TMTC1: variants seen among roughly 807,000 people sequenced by gnomAD.
TMTC1 encodes transmembrane O-mannosyltransferase targeting cadherins 1, also known as protein O-mannosyl-transferase TMTC1.
In TMTC1, 73 loss-of-function variants were observed where a neutral mutation model predicts 104.8. The ratio of observed to expected loss-of-function variants is 0.70; its 90% CI spans 0.58 to 0.85. TMTC1 has a LOEUF of 0.85. Ranked by LOEUF, TMTC1 falls within the 40% of genes least tolerant of loss-of-function variation. The pLI, the probability that TMTC1 is intolerant of heterozygous loss-of-function variation, is 0.00. For synonymous variants in TMTC1, 434 were observed against 428.7 expected (o/e 1.01, Z -0.15); for missense variants, 1,035 against 1,096.1 (o/e 0.94, Z 0.79).
chr12:29,501,550 C>T lies in TMTC1; in HGVS notation c.*5296G>A, dbSNP rs1943593120. ...TCTTGATTCTTGGGGTAGTGTACCC[C>T]TCCTATGGACCAGCAAGATAAATAA... On this transcript the variant is annotated 3_prime_UTR_variant, in exon 18 of 18. Coordinates refer to ENST00000539277, the MANE Select transcript of TMTC1 (RefSeq NM_001193451.2). 6.6e-6 allele frequency: 1 copy of T among 151,434 alleles called. No individual in the cohort carries two copies. The highest frequency in any genetic ancestry group is 2.0e-4 in the East Asian group (1 of 5,124). The allele number at this position is 151,434 out of a possible 1,614,324, so 9.4% of individuals were successfully genotyped here. A position where few individuals can be genotyped will look rare whatever the true frequency, so the allele number is the denominator to read the frequency against.
intron 2 of TMTC1, among the ~76,000 whole-genome samples, chr12:29,764,145 A>T (rs1397129685): frequency 5.3e-5 from 8 of 152,228 alleles, no homozygotes; most frequent in Non-Finnish European, 8.8e-5. Flanking sequence ...GCCTCTAACA[A>T]ATATTCAAAC....
intron 5 of TMTC1, among the ~76,000 whole-genome samples, chr12:29,666,565 C>T (rs1940296692): frequency 6.6e-6 from 1 of 152,018 alleles, no homozygotes; most frequent in African/African-American, 2.4e-5. Context: ...TTTCCTTACC[C>T]TCTCGTGGTA....
intron 5 of TMTC1, among the ~76,000 whole-genome samples, chr12:29,696,283 T>A (rs1941421504): frequency 1.3e-5 from 2 of 152,150 alleles, no homozygotes; most frequent in Admixed American, 1.3e-4. Flanking sequence ...GATAGAAGAC[T>A]ATTGCTTTAA....
chr12:29,535,973 G>A (rs1466994426), intron 11 of TMTC1: 3 of 492,260 alleles, frequency 6.1e-6, no homozygotes, highest in Non-Finnish European at 1.1e-5. Context: ...ACCAAAGTGA[G>A]AGAGAATATA....
At chr12:29,582,034 C>A (rs1945995709) in intron 8 of TMTC1, among the ~76,000 whole-genome samples, 1 of 152,084 alleles carries the variant, frequency 6.6e-6, no homozygotes, top group Non-Finnish European at 1.5e-5. Flanking sequence ...CCCTACAGTA[C>A]CCGCTGAAAT....
intron 5 of TMTC1, among the ~76,000 whole-genome samples, chr12:29,699,457 C>G (rs1467816545): frequency 1.3e-5 from 2 of 152,074 alleles, no homozygotes; most frequent in Admixed American, 6.6e-5. Flanking sequence ...CATGAAGGCA[C>G]AAAATATCTT....
chr12:29,539,484 A>C (rs180890239), intron 10 of TMTC1, among the ~76,000 whole-genome samples: 4 of 152,326 alleles, frequency 2.6e-5, no homozygotes, highest in Non-Finnish European at 5.9e-5. Context: ...ATATATAAAA[A>C]TCTTTATTAA....
chr12:29,744,196 G>C (rs1402730022), intron 5 of TMTC1, among the ~76,000 whole-genome samples: 4 of 152,320 alleles, frequency 2.6e-5, no homozygotes, highest in Non-Finnish European at 5.9e-5. Context: ...ATCATCTACT[G>C]ACTGAAATTC....
intron 7 of TMTC1, among the ~76,000 whole-genome samples, chr12:29,594,130 A>C (rs1401365672): frequency 6.6e-6 from 1 of 152,198 alleles, no homozygotes; most frequent in Non-Finnish European, 1.5e-5. Flanking sequence ...ATTATTAATA[A>C]ATTTTCCATC....
At position 29,506,704 on chromosome 12, in the gene TMTC1, G is replaced by T; in HGVS notation, c.*142C>A. 1 of 1,055,914 alleles carries T rather than the reference G, an allele frequency of 9.5e-7. No individual in the cohort carries two copies. The highest frequency in any genetic ancestry group is 2.4e-5 in the East Asian group (1 of 41,580). 65.4% of individuals were successfully genotyped at this position (1,055,914 alleles called of 1,614,324 possible). A position where few individuals can be genotyped will look rare whatever the true frequency, so the allele number is the denominator to read the frequency against. ...GTCCTTCAGCACTGGGCTACCAGCA[G>T]ATGTCCCAAAATGTGTCACCCTGAA... On this transcript the variant is annotated 3_prime_UTR_variant, in exon 18 of 18. Transcript: ENST00000539277.
intron 11 of TMTC1, among the ~76,000 whole-genome samples, chr12:29,526,799 T>C (rs1316942691): frequency 1.3e-5 from 2 of 152,136 alleles, no homozygotes; most frequent in Non-Finnish European, 2.9e-5. Context: ...AAAAGTTGTT[T>C]TTTTTCTCCT....
At chr12:29,761,523 G>T (rs952562640) in intron 2 of TMTC1, among the ~76,000 whole-genome samples, 1 of 150,718 alleles carries the variant, frequency 6.6e-6, no homozygotes, top group African/African-American at 2.4e-5. Flanking sequence ...AGAGGGATGG[G>T]AAACAGATGA....
intron 8 of TMTC1, among the ~76,000 whole-genome samples, chr12:29,575,404 G>GT (rs1641353167): frequency 6.6e-6 from 1 of 151,984 alleles, no homozygotes; most frequent in African/African-American, 2.4e-5. Context: ...CAGATTAAGA[G>GT]GAGAATTCCA....
chr12:29,657,053 T>C (rs890130072), intron 5 of TMTC1, among the ~76,000 whole-genome samples: 2 of 152,190 alleles, frequency 1.3e-5, no homozygotes, highest in African/African-American at 4.8e-5. Context: ...AGCAGTATGT[T>C]CTTGTTCTCC....
intron 9 of TMTC1, among the ~76,000 whole-genome samples, chr12:29,569,783 C>A (rs1372668912): frequency 6.6e-6 from 1 of 152,192 alleles, no homozygotes; most frequent in East Asian, 1.9e-4. Flanking sequence ...TGAATCTAGT[C>A]TGAAAGCATA....
chr12:29,646,303 A>G (rs1051273066), intron 5 of TMTC1, among the ~76,000 whole-genome samples: 1 of 152,224 alleles, frequency 6.6e-6, no homozygotes, highest in African/African-American at 2.4e-5. Flanking sequence ...TGTTTGTTAG[A>G]GCATCAAGAA....
intron 7 of TMTC1, among the ~76,000 whole-genome samples, chr12:29,588,901 G>A (rs1035407822): frequency 6.6e-6 from 1 of 151,360 alleles, no homozygotes; most frequent in African/African-American, 2.5e-5. Flanking sequence ...ATAGTGTTAG[G>A]TCTTGGGACC....
intron 6 of TMTC1, among the ~76,000 whole-genome samples, chr12:29,607,983 A>G (rs1592314783): frequency 1.3e-5 from 2 of 152,330 alleles, no homozygotes; most frequent in African/African-American, 4.8e-5. Flanking sequence ...CCCAAACTCA[A>G]TAAAGTTTCA....
intron 7 of TMTC1, among the ~76,000 whole-genome samples, chr12:29,593,314 T>C (rs537987774): frequency 6.6e-6 from 1 of 152,324 alleles, no homozygotes; most frequent in Non-Finnish European, 1.5e-5. Flanking sequence ...AAGTTAAAGG[T>C]ACCAAATGCA....
Sources: gnomAD v4.1 joint callset for allele counts (sites outside exome capture counted in the v4.1 genomes callset) on GRCh38, gnomAD v4.1.1 for gene constraint, MANE v1.5 for transcripts, NCBI Gene and HGNC (gene_info 2026-07-23, HGNC 2026-07-21) for gene names.